Variants in LRRC40 observed in about 807,000 individuals in gnomAD.
The protein encoded by LRRC40 is leucine-rich repeat-containing protein 40.
A neutral mutation model predicts 72.8 loss-of-function variants in LRRC40; 76 were observed. That is an observed-to-expected ratio of 1.04 (90% CI 0.87 to 1.26). The LOEUF (loss-of-function observed/expected upper bound fraction) is 1.26. Among genes scored for constraint, LRRC40 ranks in the 50% most tolerant of loss-of-function variants. The pLI, the probability that LRRC40 is intolerant of heterozygous loss-of-function variation, is 0.00. For synonymous variants in LRRC40, 243 were observed against 254.2 expected (o/e 0.96, Z 0.42); for missense variants, 684 against 698.9 (o/e 0.98, Z 0.24).
chr1:70,151,531 T>C (rs1667490602), intron 12 of LRRC40, among the ~76,000 whole-genome samples: 1 of 152,042 alleles, frequency 6.6e-6, no homozygotes, highest in Non-Finnish European at 1.5e-5. Flanking sequence ...CCCATGTCTA[T>C]AATACCACAT....
At chr1:70,176,039 T>C in intron 6 of LRRC40, 57 bp from the exon 7 acceptor site, 2 of 1,101,348 alleles carry the variant, frequency 1.8e-6, no homozygotes, top group Non-Finnish European at 2.5e-6. Flanking sequence ...TAGTAGATAA[T>C]GAAAATAAAA....
At chr1:70,200,005 CA>C in intron 1 of LRRC40, among the ~76,000 whole-genome samples, 1 of 152,280 alleles carries the variant, frequency 6.6e-6, no homozygotes, top group East Asian at 1.9e-4. Flanking sequence ...GTCTAGTTAA[CA>C]ATCCTATCAG....
intron 2 of LRRC40, among the ~76,000 whole-genome samples, chr1:70,188,699 A>G (rs1258324832): frequency 6.6e-6 from 1 of 152,170 alleles, no homozygotes; most frequent in Non-Finnish European, 1.5e-5. Flanking sequence ...TCACGCCACT[A>G]TTTTGCCTGT....
chr1:70,194,929 T>C (rs887512527), intron 1 of LRRC40, among the ~76,000 whole-genome samples: 3 of 152,086 alleles, frequency 2.0e-5, no homozygotes, highest in Non-Finnish European at 4.4e-5. Flanking sequence ...TATTGAAAAT[T>C]GATTTTCAAC....
intron 4 of LRRC40, among the ~76,000 whole-genome samples, chr1:70,182,275 T>A (rs1571476694): frequency 6.6e-6 from 1 of 151,984 alleles, no homozygotes; most frequent in Non-Finnish European, 1.5e-5. Flanking sequence ...TTACTAACAC[T>A]AAATGCAATG....
chr1:70,145,861 G>A lies in LRRC40; in HGVS notation c.1748C>T (p.Ala583Val). 6.2e-7 allele frequency: 1 copy of A among 1,609,666 alleles called. No homozygotes were observed. Reference protein sequence around the residue: ...DGNPFRVPRAAILMKGTAAIL... With the variant: ...DGNPFRVPRAVILMKGTAAIL... ...AGCAGCTGTTCCTTTCATTAATATGGCTGCTCGAGGAACTCGGAATGGATT... is the reference window on the plus strand; with the variant it reads ...AGCAGCTGTTCCTTTCATTAATATGACTGCTCGAGGAACTCGGAATGGATT... The change falls in exon 15 of 15, where the codon GCC becomes GTC. Residue 583 changes from alanine (A) to valine (V), a missense_variant. Transcript: ENST00000370952.
chr1:70,195,024 G>A (rs1308911794), intron 1 of LRRC40, among the ~76,000 whole-genome samples: 1 of 152,022 alleles, frequency 6.6e-6, no homozygotes, highest in Admixed American at 6.6e-5. Context: ...CTATAAAAAT[G>A]AACCTCAACC....
At chr1:70,146,861 TAATAA>T (rs1667314196) in intron 14 of LRRC40, among the ~76,000 whole-genome samples, 1 of 152,208 alleles carries the variant, frequency 6.6e-6, no homozygotes, top group African/African-American at 2.4e-5. Flanking sequence ...TTTCATTATA[TAATAA>T]AATATCTTCA....
intron 4 of LRRC40, 51 bp downstream of exon 4, chr1:70,184,734 A>G: frequency 6.6e-7 from 1 of 1,526,040 alleles, no homozygotes; most frequent in East Asian, 2.3e-5. Context: ...CAGCCTGATG[A>G]AAAATCCCAC....
At chr1:70,187,635 G>C (rs892324550) in intron 2 of LRRC40, among the ~76,000 whole-genome samples, 1 of 151,322 alleles carries the variant, frequency 6.6e-6, no homozygotes, top group African/African-American at 2.4e-5. Context: ...GACTAGCCTA[G>C]GCAAATTAGT....
chr1:70,175,971 T>C lies in LRRC40; in HGVS notation c.816A>G (p.Val272=). The change falls in exon 7 of 15, where the codon GTA becomes GTG. Residue 272 remains valine (V), a synonymous_variant. Transcript: ENST00000370952. ...CTAACATTTCAATCTGGTTTTCACCTACGTGCAATTCCTACAAAATCAAAG... is the reference window on the plus strand; with the variant it reads ...CTAACATTTCAATCTGGTTTTCACCCACGTGCAATTCCTACAAAATCAAAG... ...PSCSLLKELH[V]GENQIEMLEA... is the part of the protein sequence containing the mutation. 1 of 1,565,598 alleles carries C rather than the reference T, an allele frequency of 6.4e-7. No individual in the cohort carries two copies. The highest frequency in any genetic ancestry group is 8.6e-7 in the Non-Finnish European group (1 of 1,161,734).
chr1:70,202,130 C>A (rs1285776250), intron 1 of LRRC40, among the ~76,000 whole-genome samples: 2 of 152,278 alleles, frequency 1.3e-5, no homozygotes, highest in Non-Finnish European at 2.9e-5. Context: ...CATTAGTAGT[C>A]TGACAGTTTC....
Position 70,175,834 on chromosome 1 carries a change from T to C in LRRC40, c.953A>G (p.Asp318Gly), listed in dbSNP as rs1367966397. The change falls in exon 7 of 15, where the codon GAC (aspartate) becomes GGC (glycine). Residue 318 changes from aspartate to glycine, a missense_variant. Coordinates refer to ENST00000370952, the MANE Select transcript of LRRC40 (RefSeq NM_017768.5). Reference sequence around the variant, plus strand: ...CCTACTAATATCATTGTTGCTTAGGTCAAGCCTTTCCAAGGACCGTAGTAG... The same window carrying C: ...CCTACTAATATCATTGTTGCTTAGGCCAAGCCTTTCCAAGGACCGTAGTAG... ...IILLRSLERLDLSNNDISSLP... is the reference protein window; with the variant it reads ...IILLRSLERLGLSNNDISSLP... 1.3e-6 allele frequency: 2 copies of C among 1,575,942 alleles called. No individual in the cohort carries two copies. Among genetic ancestry groups the C allele is most frequent in the African/African-American group, 2.8e-5 (2 of 72,544 alleles).
chr1:70,148,523 T>G lies in LRRC40; in HGVS notation c.1667A>C (p.Gln556Pro), dbSNP rs147051328. ...ACAATTACCGAGCTCTGGTGGAATT[T>G]GTAAGAGGTCATTATTTTGAAGGTC... The part of the protein sequence containing the change: ...TLDLQNNDLL[Q>P]IPPELGNCVN... The change falls in exon 14 of 15, where the codon CAA becomes CCA. Residue 556 changes from glutamine (Q) to proline (P), a missense_variant. Physicochemically the swap from Gln to Pro is moderately conservative, Grantham distance 76. Coordinates refer to ENST00000370952, the MANE Select transcript of LRRC40 (RefSeq NM_017768.5). The G allele has an allele frequency of 8.9e-5, 143 of 1,613,480 alleles. No homozygotes were observed. In the South Asian group the frequency reaches 1.2e-3, roughly 13 times the overall value.
chr1:70,185,167 G>A, intron 3 of LRRC40, among the ~76,000 whole-genome samples: 1 of 152,156 alleles, frequency 6.6e-6, no homozygotes. Context: ...AATAATTTGT[G>A]ATGTTTTGAT....
At chr1:70,198,480 A>T (rs1262318458) in intron 1 of LRRC40, among the ~76,000 whole-genome samples, 2 of 151,946 alleles carry the variant, frequency 1.3e-5, no homozygotes, top group Admixed American at 1.3e-4. Flanking sequence ...AACACCTCCA[A>T]CTCCATCTTC....
chr1:70,201,541 G>T (rs1181048867), intron 1 of LRRC40, among the ~76,000 whole-genome samples: 1 of 152,036 alleles, frequency 6.6e-6, no homozygotes, highest in Non-Finnish European at 1.5e-5. Context: ...TCAACAACAA[G>T]GAAACGAGCC....
At chr1:70,197,007 A>T (rs1217179862) in intron 1 of LRRC40, among the ~76,000 whole-genome samples, 1 of 152,246 alleles carries the variant, frequency 6.6e-6, no homozygotes, top group African/African-American at 2.4e-5. Context: ...CAGGGTAGAT[A>T]CAATATCCTT....
At chr1:70,162,401 C>T (rs1203457106) in intron 9 of LRRC40, among the ~76,000 whole-genome samples, 1 of 152,114 alleles carries the variant, frequency 6.6e-6, no homozygotes, top group African/African-American at 2.4e-5. Flanking sequence ...AGCAACATCA[C>T]CCTAACATGG....
Sources: gnomAD v4.1 joint callset for allele counts (sites outside exome capture counted in the v4.1 genomes callset) on GRCh38, gnomAD v4.1.1 for gene constraint, MANE v1.5 for transcripts, NCBI Gene and HGNC (gene_info 2026-07-23, HGNC 2026-07-21) for gene names.